Variants in SEC24B observed in about 807,000 individuals in gnomAD.
SEC24B encodes SEC24 homolog B, COPII component, also known as protein transport protein Sec24B.
In SEC24B, 45 loss-of-function variants were observed where a neutral mutation model predicts 142.8. The ratio of observed to expected loss-of-function variants is 0.32; its 90% CI spans 0.25 to 0.40. SEC24B has a LOEUF of 0.40. Ranked by LOEUF, SEC24B falls within the 10% of genes least tolerant of loss-of-function variation. The pLI, the probability that SEC24B is intolerant of heterozygous loss-of-function variation, is 1.00. For synonymous variants in SEC24B, 574 were observed against 568.2 expected (o/e 1.01, Z -0.15); for missense variants, 1,409 against 1,526.8 (o/e 0.92, Z 1.29).
chr4:109,475,081 A>G (rs977477924), intron 3 of SEC24B, among the ~76,000 whole-genome samples: 2 of 152,228 alleles, frequency 1.3e-5, no homozygotes, highest in African/African-American at 2.4e-5. Context: ...TATTCTTTCT[A>G]TAAAATAAAG....
intron 10 of SEC24B, among the ~76,000 whole-genome samples, chr4:109,515,366 G>A (rs1367868720): frequency 6.6e-6 from 1 of 152,192 alleles, no homozygotes; most frequent in Non-Finnish European, 1.5e-5. Context: ...CTCCCAAAGT[G>A]CTGAGATTAC....
At chr4:109,521,278 A>G in intron 13 of SEC24B, 106 bp downstream of exon 13, 1 of 970,878 alleles carries the variant, frequency 1.0e-6, no homozygotes, top group Non-Finnish European at 1.6e-6. Context: ...CAAATAATAG[A>G]CAATATAAAT....
At chr4:109,462,241 T>C (rs1159562499) in intron 1 of SEC24B, among the ~76,000 whole-genome samples, 1 of 152,136 alleles carries the variant, frequency 6.6e-6, no homozygotes, top group African/African-American at 2.4e-5. Context: ...CCAGGATGGG[T>C]ATATTAGTTA....
At chr4:109,537,944 T>C (rs1038673242) in intron 22 of SEC24B, among the ~76,000 whole-genome samples, 4 of 152,198 alleles carry the variant, frequency 2.6e-5, no homozygotes, top group African/African-American at 9.7e-5. Context: ...AAGTAAATCT[T>C]ACCTTTTTAT....
chr4:109,513,528 C>T (rs972128813), intron 9 of SEC24B, among the ~76,000 whole-genome samples: 4 of 152,120 alleles, frequency 2.6e-5, no homozygotes, highest in East Asian at 1.9e-4. Context: ...GTGATCCGCC[C>T]GCCGCGGCCG....
chr4:109,499,686 C>T (rs564231199), intron 6 of SEC24B, among the ~76,000 whole-genome samples: 36 of 152,184 alleles, frequency 2.4e-4, no homozygotes, highest in Non-Finnish European at 1.8e-4. Context: ...GTGCATTACT[C>T]ATGTGTTTGT....
At chr4:109,507,326 G>A (rs1308334646) in intron 7 of SEC24B, among the ~76,000 whole-genome samples, 4 of 149,674 alleles carry the variant, frequency 2.7e-5, no homozygotes, top group African/African-American at 9.9e-5. Flanking sequence ...CCAGGCTGGA[G>A]TGCAGTGGCC....
intron 2 of SEC24B, among the ~76,000 whole-genome samples, chr4:109,472,338 G>A (rs531551605): frequency 1.2e-4 from 19 of 152,224 alleles, no homozygotes; most frequent in Non-Finnish European, 2.2e-4. Flanking sequence ...TTTCTCAACC[G>A]GGAACGATTT....
intron 7 of SEC24B, among the ~76,000 whole-genome samples, 167 bp downstream of exon 7, chr4:109,506,679 TG>T (rs1303471789): frequency 6.6e-6 from 1 of 152,204 alleles, no homozygotes; most frequent in East Asian, 1.9e-4. Flanking sequence ...CATCTCTTTT[TG>T]TTCCCATCTC....
rs746400191 is a variant in SEC24B, at chr4:109,491,426, G to C, written c.1246+19G>C. 3 of 1,580,220 alleles carry C rather than the reference G, an allele frequency of 1.9e-6. No homozygotes were observed. Among genetic ancestry groups the C allele is most frequent in the South Asian group, 1.1e-5 (1 of 90,216 alleles). On this transcript the variant is annotated intron_variant, in intron 5 of 23. Transcript: ENST00000265175. ...TACCCAGGTAATTTGTTTTGTGCTT[G>C]CTTGATCTTCATTTTGAAAGTTATT...
At chr4:109,513,905 A>T (rs1737651825) in intron 10 of SEC24B, 49 bp downstream of exon 10, 1 of 1,208,556 alleles carries the variant, frequency 8.3e-7, no homozygotes, top group African/African-American at 1.5e-5. Context: ...TACATTGGTC[A>T]TTTGTAATTT....
chr4:109,493,482 A>T (rs960057923), intron 5 of SEC24B, among the ~76,000 whole-genome samples: 1 of 152,136 alleles, frequency 6.6e-6, no homozygotes, highest in Non-Finnish European at 1.5e-5. Context: ...CTGTTTTTGT[A>T]TATGATATTT....
chr4:109,434,225 C>T (rs868698015), intron 1 of SEC24B, among the ~76,000 whole-genome samples: 3 of 107,116 alleles, frequency 2.8e-5, no homozygotes, highest in Non-Finnish European at 5.9e-5. Context: ...ACGCCCCTGG[C>T]GTGGGGGCGG....
chr4:109,491,425 T>G lies in SEC24B; in HGVS notation c.1246+18T>G, dbSNP rs1477742733. The G allele has an allele frequency of 2.5e-6, 4 of 1,579,970 alleles. No homozygotes were observed. In the Admixed American group the frequency reaches 6.7e-5, roughly 26 times the overall value. On this transcript the variant is annotated intron_variant, in intron 5 of 23. Transcript: ENST00000265175. The stretch of plus-strand genomic sequence containing the variant: ...TTACCCAGGTAATTTGTTTTGTGCT[T>G]GCTTGATCTTCATTTTGAAAGTTAT...
intron 6 of SEC24B, among the ~76,000 whole-genome samples, chr4:109,496,414 C>T (rs1735548909): frequency 6.6e-6 from 1 of 152,136 alleles, no homozygotes; most frequent in Admixed American, 6.5e-5. Context: ...TGCTCCTGGC[C>T]AGGAAACAAT....
chr4:109,459,958 G>A (rs1223144216), intron 1 of SEC24B, among the ~76,000 whole-genome samples: 3 of 152,094 alleles, frequency 2.0e-5, no homozygotes, highest in Non-Finnish European at 4.4e-5. Flanking sequence ...TTTTACTTTT[G>A]TCGTGTTAAT....
At chr4:109,492,064 A>G (rs1226109873) in intron 5 of SEC24B, among the ~76,000 whole-genome samples, 1 of 152,124 alleles carries the variant, frequency 6.6e-6, no homozygotes, top group Non-Finnish European at 1.5e-5. Context: ...AAACTAACAG[A>G]AAAAGCAGTT....
chr4:109,452,894 T>A (rs1730253515), intron 1 of SEC24B, among the ~76,000 whole-genome samples: 1 of 152,228 alleles, frequency 6.6e-6, no homozygotes, highest in East Asian at 1.9e-4. Flanking sequence ...TTTATTTTTT[T>A]AGACAGATAT....
chr4:109,463,212 T>C lies in SEC24B; in HGVS notation c.445T>C (p.Ser149Pro). 1.2e-6 allele frequency: 2 copies of C among 1,614,146 alleles called. No individual in the cohort carries two copies. The highest frequency in any genetic ancestry group is 8.5e-7 in the Non-Finnish European group (1 of 1,180,022). Residue 149 changes from serine (S) to proline (P), a missense_variant, in exon 2 of 24, where the codon TCC becomes CCC. Around this residue, in one of 2 missense-constraint regions of SEC24B, gnomAD observed 709 missense variants for 673.5 expected, o/e 1.05. Transcript: ENST00000265175. ...AGCATCCCATTTGCATACGAGTGCC[T>C]CCCAACCATACTCCTCTTTTGTGAA... ...SSASHLHTSA[S>P]QPYSSFVNHY...
Sources: allele counts gnomAD v4.1 joint callset (sites outside exome capture counted in the v4.1 genomes callset), GRCh38; gene constraint gnomAD v4.1.1; regional missense constraint gnomAD v4.1.1; transcripts MANE v1.5; gene names NCBI Gene and HGNC (gene_info 2026-07-23, HGNC 2026-07-21).